Variants in STRN3 observed in about 807,000 individuals in gnomAD.
STRN3 encodes the protein striatin-3.
In STRN3, 29 loss-of-function variants were observed where a neutral mutation model predicts 95.6. The observed-to-expected ratio is 0.30, with a 90% CI of 0.23 to 0.41. The LOEUF (loss-of-function observed/expected upper bound fraction) is 0.41. STRN3 is among the 10% of genes least tolerant of loss of function. STRN3 has a pLI of 1.00. For synonymous variants in STRN3, 331 were observed against 357.6 expected (o/e 0.93, Z 0.84); for missense variants, 890 against 972.1 (o/e 0.92, Z 1.12).
At chr14:30,906,115 G>A (rs1896454602) in intron 14 of STRN3, among the ~76,000 whole-genome samples, 1 of 152,082 alleles carries the variant, frequency 6.6e-6, no homozygotes, top group African/African-American at 2.4e-5. Context: ...AAACTAGCCA[G>A]ATCAATGCAC....
chr14:30,929,954 CAAAAAAAAAA>C (rs1191963792), intron 7 of STRN3, among the ~76,000 whole-genome samples: 36 of 40,004 alleles, frequency 9.0e-4, no homozygotes, highest in South Asian at 3.2e-3. Context: ...CTAAGATTAG[CAAAAAAAAAA>C]AAAAAAAAAA....
chr14:30,895,746 T>C lies in STRN3; in HGVS notation c.2140A>G (p.Lys714Glu), dbSNP rs1314154325. Reference sequence around the variant, plus strand: ...TGAGCTACCATAGAATGGATCATTTTACCTAAACAAAACATAACAGAGAAC... The same window carrying C: ...TGAGCTACCATAGAATGGATCATTTCACCTAAACAAAACATAACAGAGAAC... The part of the protein sequence containing the change: ...HIKFFDNKTG[K>E]MIHSMVAHLD... The change falls in exon 17 of 18, where the codon AAA (lysine) becomes GAA (glutamate). Residue 714 changes from lysine to glutamate, a missense_variant and splice_region_variant. Physicochemically the swap from Lys to Glu is moderately conservative, Grantham distance 56. Coordinates refer to ENST00000357479, the MANE Select transcript of STRN3 (RefSeq NM_001083893.2). 1.9e-6 allele frequency: 3 copies of C among 1,611,430 alleles called. No homozygotes were observed. The highest frequency in any genetic ancestry group is 2.5e-6 in the Non-Finnish European group (3 of 1,179,346).
intron 16 of STRN3, among the ~76,000 whole-genome samples, chr14:30,897,273 T>C (rs1461311784): frequency 6.6e-6 from 1 of 152,064 alleles, no homozygotes; most frequent in African/African-American, 2.4e-5. Flanking sequence ...AAAAATACAC[T>C]CCAAAAAACC....
At chr14:30,961,091 C>T (rs1880182025) in intron 1 of STRN3, among the ~76,000 whole-genome samples, 2 of 151,978 alleles carry the variant, frequency 1.3e-5, no homozygotes, top group Admixed American at 6.6e-5. Context: ...ATTAAAAATT[C>T]ATTACAATTT....
In STRN3 at chr14:30,929,209, C is replaced by T. The variant is rs974455691; in HGVS notation, c.1091G>A (p.Gly364Glu). 1 of 1,608,392 alleles carries T rather than the reference C, an allele frequency of 6.2e-7. No individual in the cohort carries two copies. Among genetic ancestry groups the T allele is most frequent in the Non-Finnish European group, 8.5e-7 (1 of 1,177,562 alleles). Residue 364 changes from glycine to glutamate, a missense_variant, in exon 8 of 18, where the codon GGG (glycine) becomes GAG (glutamate). This residue lies in a region of STRN3 where 526 missense variants were observed against 526.3 expected (regional missense o/e 1.00). Transcript: ENST00000357479. ...TCAGAATCTGCACTTACTCTTCACCCCTTTCTTCCCCTTTCGTTCCTTCTT... is the reference window on the plus strand; with the variant it reads ...TCAGAATCTGCACTTACTCTTCACCTCTTTCTTCCCCTTTCGTTCCTTCTT... ...QYKKERKGKK[G>E]VKRANRTKLY...
At chr14:30,922,923 A>C (rs534303396) in intron 8 of STRN3, among the ~76,000 whole-genome samples, 25 of 152,304 alleles carry the variant, frequency 1.6e-4, no homozygotes, top group Admixed American at 1.6e-3. Flanking sequence ...TTCTTGAAAG[A>C]AAAAAATCCC....
intron 1 of STRN3, among the ~76,000 whole-genome samples, chr14:30,993,248 CT>C (rs1363379171): frequency 8.2e-4 from 84 of 102,368 alleles, no homozygotes; most frequent in African/African-American, 2.7e-3. Flanking sequence ...AAGTGAGACA[CT>C]GTCTCAAAAA....
intron 8 of STRN3, 147 bp from the exon 9 acceptor site, chr14:30,919,253 C>G: frequency 1.3e-6 from 1 of 786,980 alleles, no homozygotes; most frequent in Non-Finnish European, 1.9e-6. Flanking sequence ...CTTCCATTTT[C>G]CATACCATCC....
At chr14:30,968,952 A>AT (rs985225015) in intron 1 of STRN3, among the ~76,000 whole-genome samples, 29 of 152,290 alleles carry the variant, frequency 1.9e-4, no homozygotes, top group African/African-American at 6.7e-4. Context: ...GGTTAAAAAA[A>AT]ATATATATTT....
chr14:30,953,875 C>T (rs572632311), intron 3 of STRN3, among the ~76,000 whole-genome samples: 5 of 152,184 alleles, frequency 3.3e-5, no homozygotes, highest in Non-Finnish European at 5.9e-5. Flanking sequence ...AGTGATCCAA[C>T]GCCTCGGCTT....
intron 13 of STRN3, among the ~76,000 whole-genome samples, chr14:30,907,524 C>G (rs967080107): frequency 1.3e-5 from 2 of 152,166 alleles, no homozygotes; most frequent in Non-Finnish European, 2.9e-5. Context: ...ATGTGTCTTT[C>G]TGAACATTTT....
intron 1 of STRN3, among the ~76,000 whole-genome samples, chr14:31,010,417 C>T (rs1882918316): frequency 7.9e-6 from 1 of 127,242 alleles, no homozygotes; most frequent in Non-Finnish European, 1.6e-5. Flanking sequence ...TCAACAATGA[C>T]TATGTATTGG....
At chr14:30,932,789 C>T (rs1878608405) in intron 7 of STRN3, among the ~76,000 whole-genome samples, 1 of 152,066 alleles carries the variant, frequency 6.6e-6, no homozygotes. Context: ...TTTTCTTTAT[C>T]CTTATGATTA....
At chr14:30,967,244 G>C (rs1038467492) in intron 1 of STRN3, among the ~76,000 whole-genome samples, 29 of 141,722 alleles carry the variant, frequency 2.0e-4, no homozygotes, top group African/African-American at 7.2e-4. Context: ...GGCAGGGTGG[G>C]GGGGAAGAGA....
chr14:30,972,559 A>G (rs1977130), intron 1 of STRN3, among the ~76,000 whole-genome samples: 22,003 of 152,114 alleles, frequency 0.14, 1,813 homozygotes, highest in South Asian at 0.33. Flanking sequence ...CGGAAACTTT[A>G]TAACACTGAG....
intron 1 of STRN3, among the ~76,000 whole-genome samples, chr14:30,978,027 C>CA (rs1392783223): frequency 6.6e-6 from 1 of 151,988 alleles, no homozygotes; most frequent in Non-Finnish European, 1.5e-5. Context: ...TAATAATCTT[C>CA]AAAAATAAAA....
rs181131811 is a variant in STRN3 at position 30,932,040 on chromosome 14, G to A, written c.989-2729C>T. 2.4e-4 allele frequency: 36 copies of A among 152,386 alleles called. 1 individual carries two copies. The East Asian group carries it at 6.7e-3, about 29-fold the overall frequency. 9.4% of individuals were successfully genotyped at this position (152,386 alleles called of 1,614,324 possible). A position where few individuals can be genotyped will look rare whatever the true frequency, so the allele number is the denominator to read the frequency against. ...CCAGCACTTTGGGAGGCCGTGGCGGGTGGATCACCTGAGGTCAGCAGTTCA... is the reference window on the plus strand; with the variant it reads ...CCAGCACTTTGGGAGGCCGTGGCGGATGGATCACCTGAGGTCAGCAGTTCA... On this transcript the variant is annotated intron_variant, in intron 7 of 17. Coordinates refer to ENST00000357479, the MANE Select transcript of STRN3 (RefSeq NM_001083893.2).
At chr14:30,949,491 G>A (rs1395736352) in intron 4 of STRN3, among the ~76,000 whole-genome samples, 1 of 152,100 alleles carries the variant, frequency 6.6e-6, no homozygotes, top group Non-Finnish European at 1.5e-5. Context: ...TGCACCTGTA[G>A]TCCCAGCTAC....
intron 16 of STRN3, among the ~76,000 whole-genome samples, chr14:30,898,597 T>C (rs147931444): frequency 3.3e-5 from 5 of 152,280 alleles, no homozygotes; most frequent in African/African-American, 9.6e-5. Flanking sequence ...AAGTTGTATG[T>C]TGGGCTTTCA....
Sources: allele counts gnomAD v4.1 joint callset (sites outside exome capture counted in the v4.1 genomes callset), GRCh38; gene constraint gnomAD v4.1.1; regional missense constraint gnomAD v4.1.1; transcripts MANE v1.5; gene names NCBI Gene and HGNC (gene_info 2026-07-23, HGNC 2026-07-21).